The following KCNB2 variants were observed in gnomAD, a reference collection of about 807,000 sequenced individuals.
KCNB2 encodes the protein delayed rectifier potassium channel protein.
A neutral mutation model predicts 61.5 loss-of-function variants in KCNB2; 15 were observed. The ratio of observed to expected loss-of-function variants is 0.24; its 90% confidence interval spans 0.16 to 0.38. The LOEUF is 0.38. KCNB2 is among the 10% of genes least tolerant of loss of function. The pLI is 1.00. For missense variants in KCNB2, 828 were observed against 1,125.2 expected, an observed-to-expected ratio of 0.74 and a Z score of 3.78; for synonymous variants, 457 against 446.0, an observed-to-expected ratio of 1.02 and a Z score of -0.31.
chr8:72,934,118 C>G lies in KCNB2; in HGVS notation c.580-1817C>G, dbSNP rs1047431618. ...CAATGAAAGATATAAAGGGGCCAGG[C>G]ACAGTGGCTCCCAGCACTTTGGGAG... On this transcript the variant is annotated intron_variant, in intron 2 of 2. Transcript: ENST00000523207. Among the ~76,000 whole-genome samples, 5 of 152,158 alleles carry G rather than the reference C, an allele frequency of 3.3e-5. No homozygotes were observed. The East Asian group carries it at 9.7e-4, about 29-fold the overall frequency.
At chr8:72,596,702 A>C (rs1164028294) in intron 2 of KCNB2, among the ~76,000 whole-genome samples, 2 of 152,224 alleles carry the variant, frequency 1.3e-5, no homozygotes, top group African/African-American at 4.8e-5. Context: ...TATAAAGGTA[A>C]GGAAGTGATT....
chr8:72,934,635 A>G lies in KCNB2; in HGVS notation c.580-1300A>G, dbSNP rs566252406. On this transcript the variant is annotated intron_variant, in intron 2 of 2. Transcript: ENST00000523207. ...TTACTAGATGCTCAATCTCTAAATG[A>G]AGCTGTCACTTCAGAATATTTTTCT... is the stretch of plus-strand genomic sequence containing the variant. 4.0e-4 allele frequency among the ~76,000 whole-genome samples: 61 copies of G among 152,260 alleles called. 1 individual carries two copies. Among genetic ancestry groups the G allele is most frequent in the African/African-American group, 1.4e-3 (58 of 41,548 alleles).
intron 2 of KCNB2, among the ~76,000 whole-genome samples, chr8:72,807,888 C>T (rs1809249503): frequency 6.6e-6 from 1 of 152,114 alleles, no homozygotes; most frequent in Non-Finnish European, 1.5e-5. Flanking sequence ...AAGTGACATA[C>T]TAATTTACTT....
chr8:72,724,007 T>C (rs369063694), intron 2 of KCNB2, among the ~76,000 whole-genome samples: 106 of 152,324 alleles, frequency 7.0e-4, no homozygotes, highest in East Asian at 3.7e-3. Context: ...TCTATCACAA[T>C]GTTTACATCT....
At chr8:72,862,326 T>C (rs1203374106) in intron 2 of KCNB2, among the ~76,000 whole-genome samples, 1 of 152,200 alleles carries the variant, frequency 6.6e-6, no homozygotes. Context: ...TTTTCAGATA[T>C]AAATACAGAT....
intron 2 of KCNB2, among the ~76,000 whole-genome samples, chr8:72,698,887 G>A (rs1807064825): frequency 6.6e-6 from 1 of 152,078 alleles, no homozygotes; most frequent in African/African-American, 2.4e-5. Flanking sequence ...ACATTTAAAT[G>A]TAAGACCGCA....
At chr8:72,824,757 C>T (rs1382433639) in intron 2 of KCNB2, among the ~76,000 whole-genome samples, 1 of 152,122 alleles carries the variant, frequency 6.6e-6, no homozygotes. Flanking sequence ...ACTAGACCTG[C>T]AATGAAGGAG....
At chr8:72,856,152 G>A (rs200687758) in intron 2 of KCNB2, among the ~76,000 whole-genome samples, 1 of 151,858 alleles carries the variant, frequency 6.6e-6, no homozygotes, top group African/African-American at 2.4e-5. Context: ...AAATTTACTA[G>A]TAGCCATATT....
rs149244654 is a variant in KCNB2 at position 72,883,077 on chromosome 8, C to G, written c.580-52858C>G. On this transcript the variant is annotated intron_variant, in intron 2 of 2. Coordinates refer to ENST00000523207, the MANE Select transcript of KCNB2 (RefSeq NM_004770.3). ...TCCCAGAAGTCATTTACGTTCTCAA[C>G]GCTTTTACAATATGATGCGAAGCCA... Among the ~76,000 whole-genome samples, 503 of 152,278 alleles carry G rather than the reference C, an allele frequency of 3.3e-3. 2 individuals carry two copies. Among genetic ancestry groups the G allele is most frequent in the Non-Finnish European group, 5.5e-3 (377 of 68,036 alleles).
At chr8:72,831,432 G>T (rs4524841) in intron 2 of KCNB2, among the ~76,000 whole-genome samples, 1 of 151,912 alleles carries the variant, frequency 6.6e-6, no homozygotes, top group Non-Finnish European at 1.5e-5. Context: ...TAAGAAAAGA[G>T]AGTGTAAAAC....
rs140910836 is a variant in KCNB2 at position 72,605,932 on chromosome 8, T to C, written c.579+37619T>C. Among the ~76,000 whole-genome samples the C allele has an allele frequency of 2.9e-4, 44 of 151,890 alleles. No homozygotes were observed. The East Asian group carries it at 7.2e-3, about 25-fold the overall frequency. ...AACAAGAGGAATACTAACCCAGCAA[T>C]TGAAAAAAAAGACAAAAGGAGGAAG... On this transcript the variant is annotated intron_variant, in intron 2 of 2. Transcript: ENST00000523207.
In KCNB2 at chr8:72,871,138, A is replaced by AC. The variant is rs1259100081; in HGVS notation, c.580-64795dup. ...AGTTTCATCATCTGTAATAATATCC[A>AC]CCTGCCAACCTCACAGGATTGCTGA... On this transcript the variant is annotated intron_variant, in intron 2 of 2. Transcript: ENST00000523207. Among the ~76,000 whole-genome samples the AC allele has an allele frequency of 1.3e-5, 2 of 152,186 alleles. 1 individual carries two copies.
intron 2 of KCNB2, among the ~76,000 whole-genome samples, chr8:72,847,488 T>C (rs1012439696): frequency 2.0e-5 from 3 of 152,230 alleles, no homozygotes; most frequent in Admixed American, 1.3e-4. Context: ...CTACTTTAGC[T>C]GTTTGGTTTC....
At chr8:72,659,053 TA>T (rs1806337966) in intron 2 of KCNB2, among the ~76,000 whole-genome samples, 3 of 152,114 alleles carry the variant, frequency 2.0e-5, no homozygotes, top group Admixed American at 6.6e-5. Context: ...TTTTATTATA[TA>T]AAAAAATACA....
At chr8:72,558,739 A>T (rs1237158428) in intron 1 of KCNB2, among the ~76,000 whole-genome samples, 4 of 152,328 alleles carry the variant, frequency 2.6e-5, no homozygotes, top group African/African-American at 9.6e-5. Context: ...AGTGAAGAAG[A>T]TGGATATTTA....
chr8:72,710,467 T>C (rs1223228167), intron 2 of KCNB2, among the ~76,000 whole-genome samples: 1 of 152,038 alleles, frequency 6.6e-6, no homozygotes, highest in Non-Finnish European at 1.5e-5. Flanking sequence ...TGCATATATA[T>C]ATATATATAA....
chr8:72,597,414 T>G (rs1807217492), intron 2 of KCNB2, among the ~76,000 whole-genome samples: 1 of 152,310 alleles, frequency 6.6e-6, no homozygotes, highest in Non-Finnish European at 1.5e-5. Context: ...GCTTTTGGTT[T>G]TGTGTTGTTC....
At chr8:72,816,207 G>A (rs913058941) in intron 2 of KCNB2, among the ~76,000 whole-genome samples, 1 of 152,160 alleles carries the variant, frequency 6.6e-6, no homozygotes, top group Non-Finnish European at 1.5e-5. Flanking sequence ...AAAATGTGAT[G>A]AATAGTAATG....
intron 2 of KCNB2, among the ~76,000 whole-genome samples, chr8:72,820,583 T>C (rs956524764): frequency 1.3e-5 from 2 of 152,178 alleles, no homozygotes; most frequent in Non-Finnish European, 2.9e-5. Flanking sequence ...CTATGACTTT[T>C]TTTTTTGCTC....
Sources: gnomAD v4.1 joint callset for allele counts (sites outside exome capture counted in the v4.1 genomes callset) on GRCh38, gnomAD v4.1.1 for gene constraint, MANE v1.5 for transcripts, NCBI Gene and HGNC (gene_info 2026-07-23, HGNC 2026-07-21) for gene names.